The following PCNX2 variants were observed in gnomAD, a reference collection of about 807,000 sequenced individuals.
The protein encoded by PCNX2 is pecanex 2.
In PCNX2, 168 loss-of-function variants were observed where a neutral mutation model predicts 223.8. The ratio of observed to expected loss-of-function variants is 0.75; its 90% confidence interval spans 0.66 to 0.85. The LOEUF (loss-of-function observed/expected upper bound fraction) is 0.85, where lower values mean the gene tolerates loss of function less well. Among genes scored for constraint, PCNX2 ranks in the 40% least tolerant of loss-of-function variants. PCNX2 has a pLI of 0.00. For missense variants in PCNX2, 2,507 were observed against 2,675.5 expected, an observed-to-expected ratio of 0.94 and a Z score of 1.39; for synonymous variants, 1,006 against 1,052.6, an observed-to-expected ratio of 0.96 and a Z score of 0.86.
At chr1:233,054,192 T>C in intron 25 of PCNX2, 76 bp downstream of exon 25, 4 of 1,369,800 alleles carry the variant, frequency 2.9e-6, no homozygotes, top group Non-Finnish European at 4.1e-6. Flanking sequence ...TAACAGTGAC[T>C]TCTTCCTAAA....
At chr1:233,099,590 T>C (rs1227222037) in intron 21 of PCNX2, among the ~76,000 whole-genome samples, 1 of 152,212 alleles carries the variant, frequency 6.6e-6, no homozygotes, top group African/African-American at 2.4e-5. Flanking sequence ...TGGAGAGACA[T>C]GATCCAGGTT....
In PCNX2 at chr1:233,259,352, G is replaced by A; in HGVS notation, c.518-8C>T. 6.3e-7 allele frequency: 1 copy of A among 1,596,906 alleles called. No individual in the cohort carries two copies. Among genetic ancestry groups the A allele is most frequent in the Non-Finnish European group, 8.5e-7 (1 of 1,169,972 alleles). On this transcript the variant is annotated splice_polypyrimidine_tract_variant and splice_region_variant and intron_variant, in intron 4 of 33. Coordinates refer to ENST00000258229, the MANE Select transcript of PCNX2 (RefSeq NM_014801.4). Reference sequence around the variant, plus strand: ...CTTCTAATAGAATGACACCTGAAATGACACATGGCAACTTTATTAGCATCA... The same window carrying A: ...CTTCTAATAGAATGACACCTGAAATAACACATGGCAACTTTATTAGCATCA...
intron 5 of PCNX2, among the ~76,000 whole-genome samples, chr1:233,257,034 A>G (rs1196086385): frequency 1.3e-5 from 2 of 152,242 alleles, no homozygotes; most frequent in African/African-American, 4.8e-5. Context: ...TGATATGCTC[A>G]GAAATCACAG....
intron 23 of PCNX2, chr1:233,057,553 G>C (rs1259936426): frequency 2.7e-6 from 1 of 370,892 alleles, no homozygotes; most frequent in Non-Finnish European, 5.0e-6. Context: ...AATCAATTTG[G>C]AGCACCAGAT....
At chr1:232,985,667 A>G (rs1669447382) in intron 33 of PCNX2, 1 of 416,100 alleles carries the variant, frequency 2.4e-6, no homozygotes, top group Non-Finnish European at 4.3e-6. Flanking sequence ...TTTAAAGTCA[A>G]ATCGATTGGC....
At chr1:233,216,459 G>A (rs1016016499) in intron 12 of PCNX2, among the ~76,000 whole-genome samples, 2 of 152,100 alleles carry the variant, frequency 1.3e-5, no homozygotes, top group African/African-American at 2.4e-5. Context: ...AAGAATAAAC[G>A]ATTCAGGGAA....
chr1:233,210,521 C>A, intron 12 of PCNX2: 4 of 899,114 alleles, frequency 4.4e-6, no homozygotes, highest in Non-Finnish European at 5.3e-6. Context: ...TCAGGTGATC[C>A]ACCCGACTTG....
chr1:233,071,166 T>C (rs918784158), intron 23 of PCNX2, among the ~76,000 whole-genome samples: 2 of 152,240 alleles, frequency 1.3e-5, no homozygotes, highest in Non-Finnish European at 2.9e-5. Context: ...TTAATCTCTT[T>C]ATTTTTTATC....
chr1:233,295,637 G>T lies in PCNX2; in HGVS notation c.-159C>A. ...CGCCTCCTTCCACCCCACGTTTGAA[G>T]CTGGAGCTGCTCTTCCGCCCGGACC... On this transcript the variant is annotated 5_prime_UTR_variant, in exon 1 of 34. Coordinates refer to ENST00000258229, the MANE Select transcript of PCNX2 (RefSeq NM_014801.4). The surrounding 1 kb of genome is among the most constrained non-coding windows in gnomAD (Gnocchi z 4.1). 1.3e-6 allele frequency: 1 copy of T among 784,766 alleles called. No homozygotes were observed. The highest frequency in any genetic ancestry group is 1.7e-6 in the Non-Finnish European group (1 of 576,176). 48.6% of individuals were successfully genotyped at this position (784,766 alleles called of 1,614,324 possible).
At chr1:233,182,729 C>CTCAAT (rs763863617) in intron 15 of PCNX2, among the ~76,000 whole-genome samples, 1 of 151,942 alleles carries the variant, frequency 6.6e-6, no homozygotes, top group Non-Finnish European at 1.5e-5. Context: ...TCTGTCCTGA[C>CTCAAT]TCCATTCCAT....
rs140452633 is a variant in PCNX2, at chr1:233,227,054, T to C, written c.2504+172A>G. 2.6e-5 allele frequency among the ~76,000 whole-genome samples: 4 copies of C among 152,230 alleles called. No homozygotes were observed. The East Asian group carries it at 7.7e-4, about 29-fold the overall frequency. Reference sequence around the variant, plus strand: ...CTCTCTTATTTCTCATTGTAACTGCTGAACTACAATTTGTTGTCAGGATCT... The same window carrying C: ...CTCTCTTATTTCTCATTGTAACTGCCGAACTACAATTTGTTGTCAGGATCT... On this transcript the variant is annotated intron_variant, in intron 10 of 33. Coordinates refer to ENST00000258229, the MANE Select transcript of PCNX2 (RefSeq NM_014801.4).
intron 21 of PCNX2, among the ~76,000 whole-genome samples, chr1:233,111,746 T>C (rs1675128004): frequency 6.6e-6 from 1 of 152,172 alleles, no homozygotes; most frequent in Non-Finnish European, 1.5e-5. Context: ...CATCCCCCAT[T>C]AGAATGCACT....
At chr1:233,272,120 C>T (rs1362545010) in intron 1 of PCNX2, among the ~76,000 whole-genome samples, 1 of 152,000 alleles carries the variant, frequency 6.6e-6, no homozygotes, top group Non-Finnish European at 1.5e-5. Context: ...GCAAACGCAA[C>T]AAAAGCAATT....
chr1:233,128,618 A>AGCCACTGT (rs1676240372), intron 21 of PCNX2, among the ~76,000 whole-genome samples: 1 of 152,210 alleles, frequency 6.6e-6, no homozygotes, highest in African/African-American at 2.4e-5. Context: ...TACAGGCGTG[A>AGCCACTGT]GCCACTGTGC....
chr1:233,087,855 C>A (rs1408609475), intron 23 of PCNX2, among the ~76,000 whole-genome samples: 2 of 152,184 alleles, frequency 1.3e-5, no homozygotes, highest in Admixed American at 1.3e-4. Flanking sequence ...TACATACCCA[C>A]AGACCCTGAA....
At chr1:233,208,340 T>C (rs2102910655) in intron 13 of PCNX2, among the ~76,000 whole-genome samples, 178 bp downstream of exon 13, 1 of 152,318 alleles carries the variant, frequency 6.6e-6, no homozygotes, top group South Asian at 2.1e-4. Context: ...AATAATTCCA[T>C]AGTTGGATGC....
At position 233,017,074 on chromosome 1, in the gene PCNX2, G is replaced by A; in HGVS notation, c.4686C>T (p.Pro1562=). 6.3e-7 allele frequency: 1 copy of A among 1,596,228 alleles called. No individual in the cohort carries two copies. The highest frequency in any genetic ancestry group is 8.5e-7 in the Non-Finnish European group (1 of 1,173,672). ...GCTCAATGTAATGCCACTTGGCAAA[G>A]GGCTGCAGGGACTTCAGAAGTGATT... ...KNESLLKSLQ[P]FAKWHYIERD... is the part of the protein sequence containing the mutation. Residue 1562 remains proline, a synonymous_variant, in exon 27 of 34, where the codon CCC becomes CCT. Transcript: ENST00000258229.
intron 13 of PCNX2, chr1:233,202,030 A>G (rs1681146017): frequency 2.9e-6 from 1 of 349,864 alleles, no homozygotes; most frequent in Non-Finnish European, 5.8e-6. Context: ...CTGGAGGAGG[A>G]AAGCTCTAGT....
chr1:233,104,735 C>T (rs1005885556), intron 21 of PCNX2, among the ~76,000 whole-genome samples: 3 of 152,122 alleles, frequency 2.0e-5, no homozygotes, highest in Admixed American at 6.5e-5. Flanking sequence ...AACATAGGTA[C>T]ATTTAAAACA....
Sources: allele counts gnomAD v4.1 joint callset (sites outside exome capture counted in the v4.1 genomes callset), GRCh38; gene constraint gnomAD v4.1.1; non-coding constraint Gnocchi (gnomAD v3.1); transcripts MANE v1.5; gene names NCBI Gene and HGNC (gene_info 2026-07-23, HGNC 2026-07-21).